Variants in AHCYL2 observed in about 807,000 individuals in gnomAD.
AHCYL2 encodes the protein adenosylhomocysteinase like 2, also known as S-adenosylhomocysteine hydrolase-like protein 2.
A neutral mutation model predicts 81.4 loss-of-function variants in AHCYL2; 28 were observed. The ratio of observed to expected loss-of-function variants is 0.34; its 90% CI spans 0.25 to 0.47. The LOEUF is 0.47. AHCYL2 is among the 20% of genes least tolerant of loss of function. The pLI, the probability that AHCYL2 is intolerant of heterozygous loss-of-function variation, is 1.00. For missense variants in AHCYL2, 551 were observed against 785.1 expected (o/e 0.70, Z 3.56); for synonymous variants, 272 against 290.2 (o/e 0.94, Z 0.64).
chr7:129,273,698 A>G (rs1796099224), intron 1 of AHCYL2, among the ~76,000 whole-genome samples: 1 of 152,164 alleles, frequency 6.6e-6, no homozygotes, highest in Non-Finnish European at 1.5e-5. Flanking sequence ...TAGAGGTCTT[A>G]AGGGAATACT....
chr7:129,255,867 T>G (rs1435781388), intron 1 of AHCYL2, among the ~76,000 whole-genome samples: 1 of 152,040 alleles, frequency 6.6e-6, no homozygotes, highest in African/African-American at 2.4e-5. Context: ...CTTGGGAGGC[T>G]GAAGCAGAAT....
intron 11 of AHCYL2, among the ~76,000 whole-genome samples, 155 bp from the exon 12 acceptor site, chr7:129,413,439 C>T (rs1584902450): frequency 6.6e-6 from 1 of 152,292 alleles, no homozygotes; most frequent in East Asian, 1.9e-4. Context: ...CCGCGCCTGG[C>T]CTGGCCTGCT....
chr7:129,228,849 A>C (rs1188216918), intron 1 of AHCYL2, among the ~76,000 whole-genome samples: 1 of 152,190 alleles, frequency 6.6e-6, no homozygotes, highest in Non-Finnish European at 1.5e-5. Context: ...GTCAGGAGAG[A>C]ATGAGTTGAG....
chr7:129,348,093 G>T (rs966336921), intron 1 of AHCYL2, among the ~76,000 whole-genome samples: 1 of 152,160 alleles, frequency 6.6e-6, no homozygotes, highest in African/African-American at 2.4e-5. Flanking sequence ...ATTCACTACA[G>T]CATTATACAT....
chr7:129,232,136 T>C (rs1794468172), intron 1 of AHCYL2, among the ~76,000 whole-genome samples: 1 of 152,186 alleles, frequency 6.6e-6, no homozygotes, highest in Non-Finnish European at 1.5e-5. Flanking sequence ...CATTCTACAG[T>C]GCTCCAAGGT....
At chr7:129,362,421 G>A (rs1035042475) in intron 1 of AHCYL2, among the ~76,000 whole-genome samples, 6 of 152,170 alleles carry the variant, frequency 3.9e-5, no homozygotes, top group South Asian at 2.1e-4. Flanking sequence ...AACAATGCCG[G>A]TGTCTGTGAT....
intron 1 of AHCYL2, among the ~76,000 whole-genome samples, chr7:129,279,079 A>G (rs760232928): frequency 3.9e-5 from 6 of 152,116 alleles, no homozygotes; most frequent in Non-Finnish European, 5.9e-5. Context: ...TTTTAGAATC[A>G]GTTTGTCAGA....
chr7:129,261,133 G>A (rs527336798), intron 1 of AHCYL2, among the ~76,000 whole-genome samples: 1 of 152,224 alleles, frequency 6.6e-6, no homozygotes, highest in Admixed American at 6.5e-5. Context: ...AAAAATAAAT[G>A]CATGTATATT....
rs189588552 is a variant in AHCYL2, at chr7:129,332,295, T to C, written c.364-47343T>C. On this transcript the variant is annotated intron_variant, in intron 1 of 16. Coordinates refer to ENST00000325006, the MANE Select transcript of AHCYL2 (RefSeq NM_015328.4). ...CATTTCATAGCAGAAGGGTGGAGTG[T>C]ATTAAAAAAATAAATATTCCTTCTT... is the stretch of plus-strand genomic sequence containing the variant. Among the ~76,000 whole-genome samples, 228 of 152,274 alleles carry C rather than the reference T, an allele frequency of 1.5e-3. 1 individual carries two copies. Among genetic ancestry groups the C allele is most frequent in the South Asian group, 3.5e-3 (17 of 4,820 alleles).
intron 1 of AHCYL2, among the ~76,000 whole-genome samples, chr7:129,331,942 G>A (rs1290580629): frequency 6.6e-6 from 1 of 151,726 alleles, no homozygotes; most frequent in Non-Finnish European, 1.5e-5. Context: ...TACATATAAA[G>A]TAACTTGGGC....
chr7:129,410,965 C>G (rs1354294908), intron 11 of AHCYL2, among the ~76,000 whole-genome samples: 1 of 152,092 alleles, frequency 6.6e-6, no homozygotes, highest in Non-Finnish European at 1.5e-5. Context: ...GATGAGGTCT[C>G]AGTCTCCAGG....
chr7:129,245,094 G>A (rs958586356), intron 1 of AHCYL2, among the ~76,000 whole-genome samples: 1 of 148,556 alleles, frequency 6.7e-6, no homozygotes, highest in Non-Finnish European at 1.5e-5. Context: ...GCACAGTCTC[G>A]GCTCACTGCA....
At chr7:129,287,928 G>A (rs1296873484) in intron 1 of AHCYL2, among the ~76,000 whole-genome samples, 1 of 152,082 alleles carries the variant, frequency 6.6e-6, no homozygotes, top group East Asian at 1.9e-4. Context: ...CCACTCCCTG[G>A]ATTATTGGAT....
At chr7:129,321,651 A>G (rs1180460599) in intron 1 of AHCYL2, among the ~76,000 whole-genome samples, 1 of 149,316 alleles carries the variant, frequency 6.7e-6, no homozygotes, top group Non-Finnish European at 1.5e-5. Context: ...TGGTTTTGGT[A>G]TATGGGTAAT....
chr7:129,417,185 T>C, intron 12 of AHCYL2, among the ~76,000 whole-genome samples: 1 of 152,140 alleles, frequency 6.6e-6, no homozygotes, highest in Non-Finnish European at 1.5e-5. Flanking sequence ...GAATTTGCCA[T>C]GTGGATTTTT....
chr7:129,284,916 A>G (rs757548190), intron 1 of AHCYL2, among the ~76,000 whole-genome samples: 1 of 152,220 alleles, frequency 6.6e-6, no homozygotes, highest in African/African-American at 2.4e-5. Context: ...TACTAATTTT[A>G]TAGAATTATA....
intron 1 of AHCYL2, among the ~76,000 whole-genome samples, chr7:129,233,050 A>G (rs1433867404): frequency 2.0e-5 from 3 of 152,212 alleles, no homozygotes; most frequent in African/African-American, 4.8e-5. Context: ...AAAATCAGCA[A>G]ATTAGACAGA....
At chr7:129,255,583 T>TGTGCGTGTGTGC (rs1795389082) in intron 1 of AHCYL2, among the ~76,000 whole-genome samples, 1 of 152,248 alleles carries the variant, frequency 6.6e-6, no homozygotes, top group Non-Finnish European at 1.5e-5. Flanking sequence ...TGTGTGTGTA[T>TGTGCGTGTGTGC]GTGCGTGTGT....
In AHCYL2 at chr7:129,368,677, T is replaced by A; in HGVS notation, c.364-10961T>A. On this transcript the variant is annotated intron_variant, in intron 1 of 16. Coordinates refer to ENST00000325006, the MANE Select transcript of AHCYL2 (RefSeq NM_015328.4). The surrounding 1 kb of genome is among the most constrained non-coding windows in gnomAD (Gnocchi z 4.4). ...AGATCCGTGGTTGGAAAAACAGTTA[T>A]TACTCTACGTTCTGATTAGTTCCTA... 8.8e-7 allele frequency: 1 copy of A among 1,133,906 alleles called. No homozygotes were observed. The highest frequency in any genetic ancestry group is 1.3e-6 in the Non-Finnish European group (1 of 766,698). The allele number at this position is 1,133,906 out of a possible 1,614,324, so 70.2% of individuals were successfully genotyped here.
Sources: allele counts gnomAD v4.1 joint callset (sites outside exome capture counted in the v4.1 genomes callset), GRCh38; gene constraint gnomAD v4.1.1; non-coding constraint Gnocchi (gnomAD v3.1); transcripts MANE v1.5; gene names NCBI Gene and HGNC (gene_info 2026-07-23, HGNC 2026-07-21).